The following DCLK1 variants were observed in gnomAD, a reference collection of about 807,000 sequenced individuals.
DCLK1 encodes the protein serine/threonine-protein kinase DCLK1.
A neutral mutation model predicts 86.2 loss-of-function variants in DCLK1; 16 were observed. That is an observed-to-expected ratio of 0.19 (90% CI 0.13 to 0.28). The LOEUF (loss-of-function observed/expected upper bound fraction) is 0.28. Ranked by LOEUF, DCLK1 falls within the 10% of genes least tolerant of loss-of-function variation. The probability of loss-of-function intolerance (pLI) is 1.00; values close to 1 mark genes in which losing one functional copy is unlikely to be tolerated. For missense variants in DCLK1, 590 were observed against 940.2 expected (o/e 0.63, Z 4.87); for synonymous variants, 369 against 370.5 (o/e 1.00, Z 0.05).
intron 3 of DCLK1, among the ~76,000 whole-genome samples, chr13:36,006,115 T>C (rs1418091709): frequency 6.6e-6 from 1 of 152,072 alleles, no homozygotes; most frequent in Non-Finnish European, 1.5e-5. Flanking sequence ...CAAACCACCA[T>C]AGTACACGTA....
intron 3 of DCLK1, among the ~76,000 whole-genome samples, chr13:36,055,562 T>C (rs932442609): frequency 9.2e-5 from 14 of 152,204 alleles, no homozygotes; most frequent in African/African-American, 3.1e-4. Flanking sequence ...CCAGTGCTTC[T>C]TTTTGACGGG....
intron 3 of DCLK1, among the ~76,000 whole-genome samples, chr13:36,073,291 T>C (rs1884046829): frequency 6.6e-6 from 1 of 152,206 alleles, no homozygotes; most frequent in South Asian, 2.1e-4. Context: ...TCTGTCTTTA[T>C]GGATTTGCCT....
intron 5 of DCLK1, among the ~76,000 whole-genome samples, chr13:35,870,782 A>G (rs1053444340): frequency 6.6e-6 from 1 of 152,172 alleles, no homozygotes; most frequent in South Asian, 2.1e-4. Context: ...CACCCTCTCA[A>G]TCTCACTACC....
chr13:35,848,279 T>C, intron 6 of DCLK1: 1 of 984,828 alleles, frequency 1.0e-6, no homozygotes, highest in Non-Finnish European at 1.2e-6. Flanking sequence ...CCAATTCTGT[T>C]CCACCAATGA....
chr13:35,928,586 A>G (rs946897463), intron 4 of DCLK1, among the ~76,000 whole-genome samples: 15 of 152,314 alleles, frequency 9.8e-5, no homozygotes, highest in Non-Finnish European at 2.1e-4. Context: ...AGTAATTTGC[A>G]TATGAGATTT....
At chr13:35,795,115 G>T (rs2086782543) in intron 15 of DCLK1, among the ~76,000 whole-genome samples, 1 of 152,208 alleles carries the variant, frequency 6.6e-6, no homozygotes, top group African/African-American at 2.4e-5. Context: ...AGGAGAAAGG[G>T]CATATTTTCT....
intron 3 of DCLK1, among the ~76,000 whole-genome samples, chr13:35,979,458 G>A (rs1248633469): frequency 6.6e-6 from 1 of 152,136 alleles, no homozygotes; most frequent in Non-Finnish European, 1.5e-5. Flanking sequence ...ATGCATGACA[G>A]CCAATCCATA....
intron 4 of DCLK1, among the ~76,000 whole-genome samples, chr13:35,882,057 A>C (rs1872943250): frequency 6.6e-6 from 1 of 152,178 alleles, no homozygotes. Flanking sequence ...AATGACCAAA[A>C]TATATTTGCT....
At chr13:35,819,021 G>T (rs73510431) in intron 11 of DCLK1, among the ~76,000 whole-genome samples, 3,531 of 152,102 alleles carry the variant, frequency 0.023, 49 homozygotes, top group African/African-American at 0.033. Context: ...GGCTTGCCAG[G>T]CGGCTCTGTC....
intron 7 of DCLK1, among the ~76,000 whole-genome samples, chr13:35,838,277 T>A (rs1255199148): frequency 1.3e-5 from 2 of 152,132 alleles, no homozygotes; most frequent in Admixed American, 1.3e-4. Flanking sequence ...TTTCACTGAA[T>A]ATAATAAAAG....
chr13:35,805,708 G>A lies in DCLK1; in HGVS notation c.1935C>T (p.Pro645=), dbSNP rs1055128611. ...RFSAVQVLEH[P]WVNDDGLPEN... ...GGTGCGAGTCACTTACATTAACCCA[G>A]GGATGCTCAAGTACTTGAACAGCAG... Residue 645 remains proline, a synonymous_variant, in exon 15 of 17, where the codon CCC becomes CCT. Transcript: ENST00000360631. 2.5e-6 allele frequency: 4 copies of A among 1,613,704 alleles called. No individual in the cohort carries two copies. The highest frequency in any genetic ancestry group is 3.4e-6 in the Non-Finnish European group (4 of 1,179,806).
chr13:35,784,555 T>C (rs2086585613), intron 16 of DCLK1, among the ~76,000 whole-genome samples: 1 of 152,178 alleles, frequency 6.6e-6, no homozygotes, highest in African/African-American at 2.4e-5. Flanking sequence ...GGGTACAAGG[T>C]ACAACTGCAA....
intron 3 of DCLK1, among the ~76,000 whole-genome samples, chr13:36,099,650 A>G (rs891046621): frequency 1.3e-5 from 2 of 152,188 alleles, no homozygotes; most frequent in African/African-American, 4.8e-5. Flanking sequence ...GGACTTGCAC[A>G]TTTTAAACAT....
chr13:36,014,438 CTG>C lies in DCLK1; in HGVS notation c.724-66983_724-66982del, dbSNP rs575147131. 9.3e-4 allele frequency among the ~76,000 whole-genome samples: 141 copies of C among 152,214 alleles called. 1 individual carries two copies. The highest frequency in any genetic ancestry group is 7.0e-3 in the Admixed American group (107 of 15,294). ...AATTTTAAATTACAGCCGATAAAAA[CTG>C]TTTTTTTTTACAGCCTTATTTTCTC... On this transcript the variant is annotated intron_variant, in intron 3 of 16. Transcript: ENST00000360631.
At chr13:35,976,179 T>G (rs1879318067) in intron 3 of DCLK1, among the ~76,000 whole-genome samples, 1 of 152,148 alleles carries the variant, frequency 6.6e-6, no homozygotes. Flanking sequence ...AGGGTGGGTT[T>G]GGAGGCAGGT....
At chr13:35,989,272 C>A (rs117418429) in intron 3 of DCLK1, among the ~76,000 whole-genome samples, 2,361 of 152,030 alleles carry the variant, frequency 0.016, 26 homozygotes, top group African/African-American at 0.029. Flanking sequence ...CTTTCTTCTT[C>A]TTATTATTAT....
At chr13:35,881,793 A>G (rs1044983616) in intron 4 of DCLK1, among the ~76,000 whole-genome samples, 4 of 152,138 alleles carry the variant, frequency 2.6e-5, no homozygotes, top group Non-Finnish European at 4.4e-5. Flanking sequence ...AGCTAACTTC[A>G]GTTGAGGGGC....
intron 4 of DCLK1, among the ~76,000 whole-genome samples, chr13:35,923,568 G>A (rs560818532): frequency 1.3e-5 from 2 of 152,038 alleles, no homozygotes; most frequent in African/African-American, 2.4e-5. Context: ...TGATAATCTG[G>A]TGGCACTAAA....
intron 2 of DCLK1, among the ~76,000 whole-genome samples, chr13:36,120,806 A>C (rs1228128934): frequency 6.6e-6 from 1 of 151,380 alleles, no homozygotes; most frequent in Non-Finnish European, 1.5e-5. Context: ...ACTGTATGAG[A>C]AGACATACAG....
Sources: gnomAD v4.1 joint callset for allele counts (sites outside exome capture counted in the v4.1 genomes callset) on GRCh38, gnomAD v4.1.1 for gene constraint, MANE v1.5 for transcripts, NCBI Gene and HGNC (gene_info 2026-07-23, HGNC 2026-07-21) for gene names.